Variants in ITGA3 observed in about 807,000 individuals in gnomAD.
ITGA3 encodes integrin subunit alpha 3.
In ITGA3, 70 loss-of-function variants were observed where a neutral mutation model predicts 131.1. The observed-to-expected ratio is 0.53, with a 90% CI of 0.44 to 0.65. The LOEUF (loss-of-function observed/expected upper bound fraction) is 0.65, where lower values mean the gene tolerates loss of function less well. Among genes scored for constraint, ITGA3 ranks in the 30% least tolerant of loss-of-function variants. The pLI is 0.00. For synonymous variants in ITGA3, 537 were observed against 571.6 expected, an observed-to-expected ratio of 0.94 and a Z score of 0.86; for missense variants, 1,098 against 1,388.6, an observed-to-expected ratio of 0.79 and a Z score of 3.33.
rs1294841678 is a variant in ITGA3 at position 50,080,365 on chromosome 17, C to T, written c.2810C>T (p.Thr937Ile). The T allele has an allele frequency of 6.2e-7, 1 of 1,609,026 alleles. No individual in the cohort carries two copies. ...GTGAAGGCACGAGTGTGGAACAGCA[C>T]CTTCATCGAGGTCAGTGCCTGGGTC... ...VTVKARVWNS[T>I]FIEDYRDFDR... is the part of the protein sequence containing the mutation. Residue 937 changes from threonine to isoleucine, a missense_variant, in exon 22 of 26, where the codon ACC becomes ATC. Thr to Ile is a moderately conservative substitution (Grantham distance 89, BLOSUM62 -1). This residue lies in a region of ITGA3 where 699 missense variants were observed against 829.2 expected (regional missense o/e 0.84). Transcript: ENST00000320031.
At position 50,064,539 on chromosome 17, in the gene ITGA3, C is replaced by T. The variant is rs753687091; in HGVS notation, c.346C>T (p.His116Tyr). The T allele has an allele frequency of 6.2e-7, 1 of 1,612,520 alleles. No individual in the cohort carries two copies. The highest frequency in any genetic ancestry group is 8.5e-7 in the Non-Finnish European group (1 of 1,179,644). ...MNITVKNDPG[H>Y]HIIEDMWLGV... ...TCCGGTGCCCACAGATGACCCTGGC[C>T]ATCACATTATTGAGGACATGTGGCT... The change falls in exon 3 of 26, where the codon CAT becomes TAT. Residue 116 changes from histidine (H) to tyrosine (Y), a missense_variant. This residue lies in a region of ITGA3 where 356 missense variants were observed against 529.2 expected (regional missense o/e 0.67). Coordinates refer to ENST00000320031, the MANE Select transcript of ITGA3 (RefSeq NM_002204.4). This position sits in a 1 kb window ranked among gnomAD's most constrained non-coding sequence, Gnocchi z 4.4.
chr17:50,089,061 G>A, intron 25 of ITGA3, 49 bp from the exon 26 acceptor site: 2 of 1,521,406 alleles, frequency 1.3e-6, no homozygotes, highest in Non-Finnish European at 1.8e-6. Context: ...CTTCCTGGTG[G>A]CTCAAACTCT....
At chr17:50,070,644 CAAAA>C (rs59600840) in intron 4 of ITGA3, among the ~76,000 whole-genome samples, 196 bp from the exon 5 acceptor site, 1 of 69,424 alleles carries the variant, frequency 1.4e-5, no homozygotes, top group African/African-American at 5.0e-5. Context: ...AAGACTGTCT[CAAAA>C]AAAAAAAAAA....
chr17:50,088,011 C>T, intron 24 of ITGA3, 142 bp downstream of exon 24: 2 of 1,290,348 alleles, frequency 1.5e-6, no homozygotes, highest in East Asian at 2.6e-5. Context: ...CTTCTACCAC[C>T]AGCTTACAGT....
rs1598194239 is a variant in ITGA3 at position 50,079,512 on chromosome 17, T to C, written c.2661T>C (p.Pro887=). Residue 887 remains proline, a synonymous_variant, in exon 21 of 26, where the codon CCT becomes CCC. Transcript: ENST00000320031. The part of the protein sequence containing the change: ...LDPGGGQGPP[P]VTLAAAKKAK... ...CAGGGGGAGGCCAGGGCCCCCCACCTGTCACTCTGGCTGCTGCCAAAAAAG... is the reference window on the plus strand; with the variant it reads ...CAGGGGGAGGCCAGGGCCCCCCACCCGTCACTCTGGCTGCTGCCAAAAAAG... 4 of 1,573,880 alleles carry C rather than the reference T, an allele frequency of 2.5e-6. No individual in the cohort carries two copies. The highest frequency in any genetic ancestry group is 3.4e-6 in the Non-Finnish European group (4 of 1,161,440).
At position 50,077,442 on chromosome 17, in the gene ITGA3, C is replaced by A; in HGVS notation, c.2134C>A (p.Gln712Lys). ...CELGNPFKRN[Q>K]RMELLIAFEV... The stretch of plus-strand genomic sequence containing the variant: ...GCTGGGGAACCCCTTCAAACGGAAC[C>A]AGAGGGTGAGCACCGGCCACATCCT... The change falls in exon 16 of 26, where the codon CAG becomes AAG. Residue 712 changes from glutamine to lysine, a missense_variant. Physicochemically the swap from Gln to Lys is moderately conservative, Grantham distance 53. Around this residue, in one of 3 missense-constraint regions of ITGA3, gnomAD observed 699 missense variants for 829.2 expected, o/e 0.84. Coordinates refer to ENST00000320031, the MANE Select transcript of ITGA3 (RefSeq NM_002204.4). 2 of 1,613,204 alleles carry A rather than the reference C, an allele frequency of 1.2e-6. No individual in the cohort carries two copies. Among genetic ancestry groups the A allele is most frequent in the Non-Finnish European group, 1.7e-6 (2 of 1,179,166 alleles).
In ITGA3 at chr17:50,090,048, T is replaced by C. The variant is rs867305270; in HGVS notation, c.*970T>C. The C allele has an allele frequency of 3.3e-6, 1 of 299,918 alleles. No individual in the cohort carries two copies. The allele number at this position is 299,918 out of a possible 1,614,324, so 18.6% of individuals were successfully genotyped here. On this transcript the variant is annotated 3_prime_UTR_variant, in exon 26 of 26. Coordinates refer to ENST00000320031, the MANE Select transcript of ITGA3 (RefSeq NM_002204.4). ...GGGACCAATTCTGGACAGACAGATG[T>C]TGGGAGGATACAGAGGAGATGCCAC...
intron 6 of ITGA3, 55 bp from the exon 7 acceptor site, chr17:50,071,931 A>T: frequency 6.8e-7 from 1 of 1,478,234 alleles, no homozygotes; most frequent in Non-Finnish European, 9.3e-7. Context: ...AACAAGAACT[A>T]TGCTGCATAT....
In ITGA3 at chr17:50,064,835, C is replaced by T. The variant is rs1908258680; in HGVS notation, c.414+228C>T. 2 of 476,076 alleles carry T rather than the reference C, an allele frequency of 4.2e-6. No homozygotes were observed. Among genetic ancestry groups the T allele is most frequent in the South Asian group, 6.1e-5 (2 of 32,712 alleles). 29.5% of individuals were successfully genotyped at this position (476,076 alleles called of 1,614,324 possible). A position where few individuals can be genotyped will look rare whatever the true frequency, so the allele number is the denominator to read the frequency against. ...CCCGCACGGCCTGAGTTCTCTGACT[C>T]ATCCACTTCCTCCGCATGCCTACAC... On this transcript the variant is annotated intron_variant, in intron 3 of 25. Coordinates refer to ENST00000320031, the MANE Select transcript of ITGA3 (RefSeq NM_002204.4). This position sits in a 1 kb window ranked among gnomAD's most constrained non-coding sequence, Gnocchi z 4.4.
chr17:50,079,333 C>A, intron 20 of ITGA3, 75 bp downstream of exon 20: 1 of 1,566,856 alleles, frequency 6.4e-7, no homozygotes. Flanking sequence ...TCCCTCCCCT[C>A]ATACCCCTTT....
rs759884098 is a variant in ITGA3 at position 50,064,065 on chromosome 17, C to A, written c.207-12C>A. On this transcript the variant is annotated splice_polypyrimidine_tract_variant and intron_variant, in intron 1 of 25. Transcript: ENST00000320031. This position sits in a 1 kb window ranked among gnomAD's most constrained non-coding sequence, Gnocchi z 4.4. The stretch of plus-strand genomic sequence containing the variant: ...AGTCTGAACCCGGACCCACCTCCGT[C>A]CCTATCCCCAGGCTCCTGGCTGGTG... 1 of 1,612,372 alleles carries A rather than the reference C, an allele frequency of 6.2e-7. No homozygotes were observed. Among genetic ancestry groups the A allele is most frequent in the East Asian group, 2.2e-5 (1 of 44,844 alleles).
At position 50,077,029 on chromosome 17, in the gene ITGA3, AC is replaced by A; in HGVS notation, c.1981del (p.Arg661GlyfsTer65). 6.2e-7 allele frequency: 1 copy of A among 1,611,166 alleles called. No individual in the cohort carries two copies. The highest frequency in any genetic ancestry group is 8.5e-7 in the Non-Finnish European group (1 of 1,178,600). On this transcript the variant is annotated frameshift_variant, in exon 15 of 26. Transcript: ENST00000320031. LOFTEE classifies it high-confidence loss of function. ...KLLLSINVTN[T>X]RTSERSGEDA... ...GCTCCTGAGCATCAACGTGACGAAC[AC>A]CCGGACCTCGGAGCGCTCCGGGGAG...
rs749988380 is a variant in ITGA3 at position 50,078,138 on chromosome 17, G to A, written c.2219+13G>A. 27 of 1,613,244 alleles carry A rather than the reference G, an allele frequency of 1.7e-5. No individual in the cohort carries two copies. In the South Asian group the frequency reaches 2.2e-4, roughly 13 times the overall value. ...TGCAGCTCTCCACGTGAGTGACCTC[G>A]AAAAGCCAGTCTGGGTCAGGGCTGA... On this transcript the variant is annotated intron_variant, in intron 17 of 25. Coordinates refer to ENST00000320031, the MANE Select transcript of ITGA3 (RefSeq NM_002204.4).
At position 50,077,030 on chromosome 17, in the gene ITGA3, C is replaced by T. The variant is rs1908943141; in HGVS notation, c.1979C>T (p.Thr660Ile). ...KLLLSINVTN[T>I]RTSERSGEDA... ...CTCCTGAGCATCAACGTGACGAACA[C>T]CCGGACCTCGGAGCGCTCCGGGGAG... Residue 660 changes from threonine to isoleucine, a missense_variant, in exon 15 of 26, where the codon ACC becomes ATC. Thr to Ile is a moderately conservative substitution (Grantham distance 89, BLOSUM62 -1). Transcript: ENST00000320031. 6.2e-7 allele frequency: 1 copy of T among 1,611,316 alleles called. No individual in the cohort carries two copies. Among genetic ancestry groups the T allele is most frequent in the Non-Finnish European group, 8.5e-7 (1 of 1,178,644 alleles).
rs918387179 is a variant in ITGA3, at chr17:50,077,908, G to A, written c.2140-138G>A. The A allele has an allele frequency of 4.5e-5, 30 of 662,388 alleles. No individual in the cohort carries two copies. In the Admixed American group the frequency reaches 5.7e-4, roughly 13 times the overall value. The allele number at this position is 662,388 out of a possible 1,614,324, so 41.0% of individuals were successfully genotyped here. A position where few individuals can be genotyped will look rare whatever the true frequency, so the allele number is the denominator to read the frequency against. On this transcript the variant is annotated intron_variant, in intron 16 of 25. Coordinates refer to ENST00000320031, the MANE Select transcript of ITGA3 (RefSeq NM_002204.4). ...GAGGCAGAGGTGGGGTGGGGAGGTA[G>A]AGACCCCTCACCCAGAATAGGAGGA...
At position 50,087,796 on chromosome 17, in the gene ITGA3, A is replaced by AGCTGTGGCT. The variant is rs1222700317; in HGVS notation, c.2974_2982dup (p.Leu992_Leu994dup). ...GTGGAGGAGCTGCCGGCCGAAATCG[A>AGCTGTGGCT]GCTGTGGCTGGTGCTGGTGGCCGTG... is the stretch of plus-strand genomic sequence containing the variant. On this transcript the variant is annotated inframe_insertion, in exon 24 of 26. Transcript: ENST00000320031. The AGCTGTGGCT allele has an allele frequency of 6.2e-7, 1 of 1,613,190 alleles. No homozygotes were observed.
chr17:50,069,522 C>G (rs1485603652), intron 4 of ITGA3, among the ~76,000 whole-genome samples: 1 of 152,080 alleles, frequency 6.6e-6, no homozygotes, highest in African/African-American at 2.4e-5. Context: ...AAAAATTAGC[C>G]AGGTGTGGTG....
chr17:50,080,166 G>A (rs372484448), intron 21 of ITGA3, 96 bp from the exon 22 acceptor site: 19 of 706,662 alleles, frequency 2.7e-5, no homozygotes, highest in East Asian at 1.4e-4. Flanking sequence ...ACCCAGGGGT[G>A]AGACAAAGCC....
At chr17:50,060,918 A>G (rs1342180261) in intron 1 of ITGA3, among the ~76,000 whole-genome samples, 1 of 152,146 alleles carries the variant, frequency 6.6e-6, no homozygotes, top group Non-Finnish European at 1.5e-5. Flanking sequence ...ATTTGCATAC[A>G]GTAAGGTCCC....
Sources: gnomAD v4.1 joint callset for allele counts (sites outside exome capture counted in the v4.1 genomes callset) on GRCh38, gnomAD v4.1.1 for gene constraint, gnomAD v4.1.1 regional missense constraint, Gnocchi (gnomAD v3.1) non-coding constraint, MANE v1.5 for transcripts, NCBI Gene and HGNC (gene_info 2026-07-23, HGNC 2026-07-21) for gene names.